HEPHL1: variants seen among roughly 807,000 people sequenced by gnomAD.
HEPHL1 encodes the protein hephaestin like 1.
HEPHL1 carries 123 observed loss-of-function variants against 122.0 expected under a neutral mutation model. The ratio of observed to expected loss-of-function variants is 1.01; its 90% CI spans 0.87 to 1.17. The LOEUF is 1.17. Among genes scored for constraint, HEPHL1 ranks in the 50% most tolerant of loss-of-function variants. The pLI is 0.00. For missense variants in HEPHL1, 1,452 were observed against 1,430.5 expected, an observed-to-expected ratio of 1.01 and a Z score of -0.24; for synonymous variants, 527 against 508.9, an observed-to-expected ratio of 1.04 and a Z score of -0.48.
intron 2 of HEPHL1, among the ~76,000 whole-genome samples, chr11:94,051,567 T>C (rs1342575694): frequency 6.6e-6 from 1 of 152,118 alleles, no homozygotes. Context: ...AGTTTGCAAA[T>C]ATTTTCTCCC....
intron 1 of HEPHL1, among the ~76,000 whole-genome samples, chr11:94,036,584 C>T (rs913000122): frequency 1.1e-4 from 17 of 152,106 alleles, no homozygotes; most frequent in Non-Finnish European, 2.2e-4. Context: ...CTGACACTCA[C>T]TGTGGATCTG....
Position 94,111,523 on chromosome 11 carries a change from T to A in HEPHL1, c.3209-14T>A. 6.3e-7 allele frequency: 1 copy of A among 1,584,138 alleles called. No individual in the cohort carries two copies. The highest frequency in any genetic ancestry group is 8.6e-7 in the Non-Finnish European group (1 of 1,163,022). On this transcript the variant is annotated splice_polypyrimidine_tract_variant and intron_variant, in intron 18 of 19. Coordinates refer to ENST00000315765, the MANE Select transcript of HEPHL1 (RefSeq NM_001098672.2). ...TGTTGTTAATAAAACAATGAACTTG[T>A]TTTCTTTGTGCAGACAACAGGATTC...
In HEPHL1 at chr11:94,067,566, C is replaced by A. The variant is rs755770180; in HGVS notation, c.879C>A (p.His293Gln). 5.0e-6 allele frequency: 8 copies of A among 1,613,544 alleles called. No homozygotes were observed. The highest frequency in any genetic ancestry group is 6.8e-6 in the Non-Finnish European group (8 of 1,179,586). The change falls in exon 5 of 20, where the codon CAC becomes CAA. Residue 293 changes from histidine to glutamine, a missense_variant. By Grantham distance (24) the His-to-Gln change is conservative (BLOSUM62 0). Transcript: ENST00000315765. Reference protein sequence around the residue: ...DMCVGESVSWHLFGMGNEIDI... With the variant: ...DMCVGESVSWQLFGMGNEIDI... The stretch of plus-strand genomic sequence containing the variant: ...GTGTTGGAGAATCTGTGTCCTGGCA[C>A]CTATTTGGAATGGGGAATGAAATAG...
In HEPHL1 at chr11:94,087,289, A is replaced by C. The variant is rs1487077049; in HGVS notation, c.2080+1100A>C. On this transcript the variant is annotated intron_variant, in intron 11 of 19. Coordinates refer to ENST00000315765, the MANE Select transcript of HEPHL1 (RefSeq NM_001098672.2). Reference sequence around the variant, plus strand: ...TTAATTCATAGAAATAGGCACTCAAAGTTAGAGCTGCCCAGAATAATTTTA... The same window carrying C: ...TTAATTCATAGAAATAGGCACTCAACGTTAGAGCTGCCCAGAATAATTTTA... 2.0e-5 allele frequency among the ~76,000 whole-genome samples: 3 copies of C among 152,172 alleles called. 1 individual carries two copies. The South Asian group carries it at 6.2e-4, about 32-fold the overall frequency.
At chr11:94,099,356 C>G (rs1227383274) in intron 13 of HEPHL1, among the ~76,000 whole-genome samples, 1 of 152,208 alleles carries the variant, frequency 6.6e-6, no homozygotes, top group Admixed American at 6.5e-5. Context: ...ATGTTGCTGC[C>G]TGATCCTTCT....
intron 4 of HEPHL1, 122 bp from the exon 5 acceptor site, chr11:94,067,374 A>C: frequency 1.1e-6 from 1 of 913,798 alleles, no homozygotes; most frequent in Non-Finnish European, 1.7e-6. Context: ...TTCTGCACCA[A>C]AACCTTACAA....
At chr11:94,076,904 T>C (rs1946130195) in intron 9 of HEPHL1, among the ~76,000 whole-genome samples, 1 of 152,158 alleles carries the variant, frequency 6.6e-6, no homozygotes, top group Non-Finnish European at 1.5e-5. Context: ...AACCATTCAG[T>C]CAAACTCCCT....
chr11:94,058,335 G>T (rs558250082), intron 2 of HEPHL1, among the ~76,000 whole-genome samples: 3 of 152,082 alleles, frequency 2.0e-5, no homozygotes, highest in Non-Finnish European at 4.4e-5. Flanking sequence ...TTTGGGAAGA[G>T]AATTTGCTGA....
intron 13 of HEPHL1, among the ~76,000 whole-genome samples, chr11:94,094,964 T>A (rs1946298532): frequency 6.6e-6 from 1 of 152,200 alleles, no homozygotes; most frequent in Non-Finnish European, 1.5e-5. Context: ...ACTCTGATGG[T>A]AGTTTCTTTT....
chr11:94,069,739 T>C (rs1045280504), intron 5 of HEPHL1, among the ~76,000 whole-genome samples: 2 of 152,276 alleles, frequency 1.3e-5, no homozygotes, highest in Admixed American at 1.3e-4. Context: ...TTTTTTGCTA[T>C]TATAAACAGC....
chr11:94,094,202 A>T (rs1189843044), intron 13 of HEPHL1, among the ~76,000 whole-genome samples: 1 of 150,890 alleles, frequency 6.6e-6, no homozygotes, highest in Non-Finnish European at 1.5e-5. Flanking sequence ...CCTGTGTCCA[A>T]ATGTTCTCAT....
intron 9 of HEPHL1, among the ~76,000 whole-genome samples, chr11:94,076,947 T>A (rs528500812): frequency 6.6e-6 from 1 of 152,306 alleles, no homozygotes; most frequent in East Asian, 1.9e-4. Context: ...TGAATCCACC[T>A]CTCTATAGAT....
chr11:94,106,060 A>G lies in HEPHL1; in HGVS notation c.2975A>G (p.Tyr992Cys), dbSNP rs769853948. The G allele has an allele frequency of 1.1e-5, 17 of 1,600,394 alleles. No individual in the cohort carries two copies. Among genetic ancestry groups the G allele is most frequent in the Non-Finnish European group, 1.4e-5 (16 of 1,170,622 alleles). Residue 992 changes from tyrosine to cysteine, a missense_variant, in exon 17 of 20, where the codon TAT (tyrosine) becomes TGT (cysteine). Coordinates refer to ENST00000315765, the MANE Select transcript of HEPHL1 (RefSeq NM_001098672.2). Reference sequence around the variant, plus strand: ...AACGAAGATACAATGACAAACTGGTATTTGTTAGGGATAGGAAGTGAAGTG... The same window carrying G: ...AACGAAGATACAATGACAAACTGGTGTTTGTTAGGGATAGGAAGTGAAGTG... ...IMNEDTMTNW[Y>C]LLGIGSEVDI...
intron 2 of HEPHL1, chr11:94,055,854 G>T: frequency 1.8e-6 from 1 of 565,242 alleles, no homozygotes; most frequent in Non-Finnish European, 3.2e-6. Flanking sequence ...CATGGAATCT[G>T]CCAAAGATTT....
chr11:94,036,915 C>A (rs1337916881), intron 1 of HEPHL1, among the ~76,000 whole-genome samples: 1 of 151,512 alleles, frequency 6.6e-6, no homozygotes, highest in Admixed American at 6.6e-5. Flanking sequence ...CCAGCGTGAG[C>A]GACACAGAAG....
At chr11:94,036,431 G>A (rs1945724031) in intron 1 of HEPHL1, among the ~76,000 whole-genome samples, 1 of 152,186 alleles carries the variant, frequency 6.6e-6, no homozygotes, top group Non-Finnish European at 1.5e-5. Flanking sequence ...TGAGAGGGGT[G>A]AGGGATGGGA....
rs533344336 is a variant in HEPHL1, at chr11:94,099,399, C to T, written c.2435-1796C>T. The stretch of plus-strand genomic sequence containing the variant: ...GCTTCATCTCAGAGGGGTGCCTGGC[C>T]GTGTGAGGTGTCAGTCTGCCCCTAC... On this transcript the variant is annotated intron_variant, in intron 13 of 19. Transcript: ENST00000315765. Among the ~76,000 whole-genome samples the T allele has an allele frequency of 7.9e-5, 12 of 152,252 alleles. No individual in the cohort carries two copies. The East Asian group carries it at 9.7e-4, about 12-fold the overall frequency.
chr11:94,044,303 C>T (rs1249017170), intron 1 of HEPHL1, among the ~76,000 whole-genome samples: 1 of 152,044 alleles, frequency 6.6e-6, no homozygotes, highest in East Asian at 1.9e-4. Flanking sequence ...TTCTCATGTC[C>T]ACCCCTTTTC....
Position 94,104,573 on chromosome 11 carries a change from G to A in HEPHL1, c.2728G>A (p.Gly910Arg). The change falls in exon 16 of 20, where the codon GGA (glycine) becomes AGA (arginine). Residue 910 changes from glycine (G) to arginine (R), a missense_variant. Coordinates refer to ENST00000315765, the MANE Select transcript of HEPHL1 (RefSeq NM_001098672.2). Reference sequence around the variant, plus strand: ...GGGTCCTCTGATTACATGCCGAAAAGGAGTCTTGAATGAAAAGGGAAGAAG... The same window carrying A: ...GGGTCCTCTGATTACATGCCGAAAAAGAGTCTTGAATGAAAAGGGAAGAAG... ...LMGPLITCRK[G>R]VLNEKGRRSD... 6.2e-7 allele frequency: 1 copy of A among 1,613,856 alleles called. No individual in the cohort carries two copies. The highest frequency in any genetic ancestry group is 8.5e-7 in the Non-Finnish European group (1 of 1,179,824).
Sources: allele counts gnomAD v4.1 joint callset (sites outside exome capture counted in the v4.1 genomes callset), GRCh38; gene constraint gnomAD v4.1.1; transcripts MANE v1.5; gene names NCBI Gene and HGNC (gene_info 2026-07-23, HGNC 2026-07-21).